The following ITGA2 variants were observed in gnomAD, a reference collection of about 807,000 sequenced individuals.
ITGA2 encodes the protein integrin subunit alpha 2, also known as integrin alpha-2.
A neutral mutation model predicts 146.3 loss-of-function variants in ITGA2; 101 were observed. That is an observed-to-expected ratio of 0.69 (90% confidence interval 0.59 to 0.81). The LOEUF (loss-of-function observed/expected upper bound fraction) is 0.81. Among genes scored for constraint, ITGA2 ranks in the 40% least tolerant of loss-of-function variants. The pLI, the probability that ITGA2 is intolerant of heterozygous loss-of-function variation, is 0.00. For missense variants in ITGA2, 1,281 were observed against 1,402.7 expected (o/e 0.91, Z 1.39); for synonymous variants, 477 against 487.1 (o/e 0.98, Z 0.27).
At position 53,048,755 on chromosome 5, in the gene ITGA2, C is replaced by T. The variant is rs750333319; in HGVS notation, c.615C>T (p.Gly205=). 1.3e-5 allele frequency: 21 copies of T among 1,613,708 alleles called. No individual in the cohort carries two copies. The highest frequency in any genetic ancestry group is 1.6e-5 in the Non-Finnish European group (19 of 1,179,826). ...AATTTGTACAAGGCCTGGATATAGGCCCCACAAAGACACAGGTATGGCTAA... is the reference window on the plus strand; with the variant it reads ...AATTTGTACAAGGCCTGGATATAGGTCCCACAAAGACACAGGTATGGCTAA... ...LEKFVQGLDI[G]PTKTQVGLIQ... is the part of the protein sequence containing the mutation. Residue 205 remains glycine, a synonymous_variant, in exon 6 of 30, where the codon GGC becomes GGT. Transcript: ENST00000296585.
chr5:53,063,304 C>G (rs528795799), intron 13 of ITGA2, among the ~76,000 whole-genome samples: 1 of 152,012 alleles, frequency 6.6e-6, no homozygotes, highest in East Asian at 1.9e-4. Flanking sequence ...GCAATGCTTT[C>G]TTGTTATCAG....
At chr5:53,068,844 C>A (rs536552722) in intron 16 of ITGA2, among the ~76,000 whole-genome samples, 1 of 148,814 alleles carries the variant, frequency 6.7e-6, no homozygotes, top group Admixed American at 6.7e-5. Flanking sequence ...GCCCATGAAG[C>A]GATGTATCAT....
chr5:52,993,568 GTTAAATTCC>G (rs1474916063), intron 1 of ITGA2, among the ~76,000 whole-genome samples: 5 of 152,170 alleles, frequency 3.3e-5, no homozygotes, highest in Non-Finnish European at 2.9e-5. Context: ...GGCTGTGTCA[GTTAAATTCC>G]TTCCGAAGTG....
intron 13 of ITGA2, 69 bp from the exon 14 acceptor site, chr5:53,064,843 C>A: frequency 6.8e-7 from 1 of 1,472,284 alleles, no homozygotes; most frequent in African/African-American, 1.4e-5. Flanking sequence ...CCACACCCAG[C>A]TGCTCTGAAT....
Position 53,090,933 on chromosome 5 carries a change from G to A in ITGA2, c.*334G>A. The A allele has an allele frequency of 1.8e-6, 1 of 541,048 alleles. No homozygotes were observed. The highest frequency in any genetic ancestry group is 1.9e-5 in the African/African-American group (1 of 52,982). The allele number at this position is 541,048 out of a possible 1,614,324, so 33.5% of individuals were successfully genotyped here. Reference sequence around the variant, plus strand: ...GCTTCCAAGCATGACAACTTTTAAAGAAAAATATGATACTCTCAGATTTTA... The same window carrying A: ...GCTTCCAAGCATGACAACTTTTAAAAAAAAATATGATACTCTCAGATTTTA... On this transcript the variant is annotated 3_prime_UTR_variant, in exon 30 of 30. Transcript: ENST00000296585.
In ITGA2 at chr5:53,017,407, G is replaced by GC. The variant is rs546319095; in HGVS notation, c.65-9334dup. 3.1e-4 allele frequency among the ~76,000 whole-genome samples: 47 copies of GC among 152,204 alleles called. No homozygotes were observed. In the East Asian group the frequency reaches 6.6e-3, roughly 21 times the overall value. ...TCTAACTCTGAGGAACTGGCATTGG[G>GC]CCCCCCCGCTTTGTTCTCTGGTCTT... On this transcript the variant is annotated intron_variant, in intron 1 of 29. Transcript: ENST00000296585.
intron 1 of ITGA2, among the ~76,000 whole-genome samples, chr5:53,009,974 G>A (rs1373730666): frequency 3.3e-5 from 5 of 152,100 alleles, no homozygotes; most frequent in Non-Finnish European, 5.9e-5. Context: ...GTTATAACAG[G>A]CGGAATGAAG....
intron 1 of ITGA2, among the ~76,000 whole-genome samples, chr5:52,992,744 A>G (rs1171958948): frequency 6.6e-6 from 1 of 152,156 alleles, no homozygotes; most frequent in East Asian, 1.9e-4. Context: ...TAAGACACTT[A>G]TATGTTTCCA....
At chr5:53,071,461 T>C (rs966162084) in intron 17 of ITGA2, among the ~76,000 whole-genome samples, 1 of 151,782 alleles carries the variant, frequency 6.6e-6, no homozygotes, top group African/African-American at 2.4e-5. Flanking sequence ...AGGAAACATC[T>C]CCTCATAGTC....
chr5:53,047,995 G>C (rs1414486513), intron 4 of ITGA2, among the ~76,000 whole-genome samples: 1 of 152,188 alleles, frequency 6.6e-6, no homozygotes, highest in African/African-American at 2.4e-5. Context: ...TGAATCACCT[G>C]AGGCCCAGGT....
At chr5:53,060,858 C>T in intron 11 of ITGA2, 43 bp from the exon 12 acceptor site, 2 of 1,594,674 alleles carry the variant, frequency 1.3e-6, no homozygotes, top group Non-Finnish European at 1.7e-6. Context: ...TTATTTTGCT[C>T]AGATAGTCAA....
rs1740482908 is a variant in ITGA2 at position 53,092,623 on chromosome 5, T to C, written c.*2024T>C. 1.5e-5 allele frequency: 2 copies of C among 132,212 alleles called. No individual in the cohort carries two copies. The highest frequency in any genetic ancestry group is 1.5e-4 in the Admixed American group (2 of 13,718). The allele number at this position is 132,212 out of a possible 1,614,324, so 8.2% of individuals were successfully genotyped here. A position where few individuals can be genotyped will look rare whatever the true frequency, so the allele number is the denominator to read the frequency against. On this transcript the variant is annotated 3_prime_UTR_variant, in exon 30 of 30. Coordinates refer to ENST00000296585, the MANE Select transcript of ITGA2 (RefSeq NM_002203.4). ...CTGCTTCATTCCAACAAAATTTTAT[T>C]TAAAAAAAAAAAAAAAAGACTGGAG...
intron 4 of ITGA2, among the ~76,000 whole-genome samples, chr5:53,046,346 C>T (rs1005362263): frequency 6.6e-6 from 1 of 151,858 alleles, no homozygotes; most frequent in Admixed American, 6.6e-5. Flanking sequence ...CAACGTCATT[C>T]TATTTTTACT....
At chr5:53,073,988 A>G (rs926772836) in intron 20 of ITGA2, among the ~76,000 whole-genome samples, 2 of 151,438 alleles carry the variant, frequency 1.3e-5, no homozygotes, top group Non-Finnish European at 2.9e-5. Flanking sequence ...CTTAAAATAC[A>G]GACAAACACC....
intron 2 of ITGA2, among the ~76,000 whole-genome samples, chr5:53,030,514 C>G (rs570671088): frequency 3.8e-4 from 58 of 152,316 alleles, no homozygotes; most frequent in African/African-American, 1.4e-3. Flanking sequence ...CAGCACCTGT[C>G]TGACCTGAAG....
Position 53,060,971 on chromosome 5 carries a change from T to C in ITGA2, c.1383T>C (p.Tyr461=). The C allele has an allele frequency of 6.2e-7, 1 of 1,612,516 alleles. No homozygotes were observed. Among genetic ancestry groups the C allele is most frequent in the Non-Finnish European group, 8.5e-7 (1 of 1,178,948 alleles). The change falls in exon 12 of 30, where the codon TAT becomes TAC. Residue 461 remains tyrosine, a synonymous_variant. Coordinates refer to ENST00000296585, the MANE Select transcript of ITGA2 (RefSeq NM_002203.4). Reference sequence around the variant, plus strand: ...TTGCTGGTGCTCCTCGGGCAAATTATACCGGCCAGATAGTGCTATATAGTG... The same window carrying C: ...TTGCTGGTGCTCCTCGGGCAAATTACACCGGCCAGATAGTGCTATATAGTG... ...HFVAGAPRAN[Y]TGQIVLYSVN...
At chr5:53,080,454 T>C in intron 24 of ITGA2, 57 bp from the exon 25 acceptor site, 1 of 1,379,194 alleles carries the variant, frequency 7.3e-7, no homozygotes, top group South Asian at 1.2e-5. Context: ...TACTGGTGAA[T>C]TTCCTTGCAT....
At chr5:53,027,100 A>G (rs547644798) in intron 2 of ITGA2, among the ~76,000 whole-genome samples, 2 of 152,322 alleles carry the variant, frequency 1.3e-5, no homozygotes, top group South Asian at 4.1e-4. Context: ...CTAAATATTC[A>G]AAAGCAAATT....
intron 1 of ITGA2, among the ~76,000 whole-genome samples, chr5:53,022,061 A>G (rs889593369): frequency 6.6e-6 from 1 of 152,228 alleles, no homozygotes; most frequent in Admixed American, 6.5e-5. Context: ...TACAAAATGC[A>G]TCCTTTAGTT....
Sources: allele counts gnomAD v4.1 joint callset (sites outside exome capture counted in the v4.1 genomes callset), GRCh38; gene constraint gnomAD v4.1.1; transcripts MANE v1.5; gene names NCBI Gene and HGNC (gene_info 2026-07-23, HGNC 2026-07-21).